Variants in REV3L observed in about 807,000 individuals in gnomAD.
REV3L encodes DNA polymerase zeta catalytic subunit.
In REV3L, 69 loss-of-function variants were observed where a neutral mutation model predicts 299.4. The observed-to-expected ratio is 0.23, with a 90% confidence interval of 0.19 to 0.28. REV3L has a LOEUF of 0.28. Ranked by LOEUF, REV3L falls within the 10% of genes least tolerant of loss-of-function variation. The pLI is 1.00. For synonymous variants in REV3L, 1,238 were observed against 1,271.4 expected (o/e 0.97, Z 0.56); for missense variants, 3,128 against 3,693.8 (o/e 0.85, Z 3.97).
intron 26 of REV3L, among the ~76,000 whole-genome samples, chr6:111,319,478 A>C (rs1773901295): frequency 1.3e-5 from 2 of 152,088 alleles, no homozygotes; most frequent in South Asian, 4.2e-4. Flanking sequence ...GAAAAAAAAA[A>C]AAAAGTTTCT....
chr6:111,300,787 G>A (rs181602426), intron 31 of REV3L, among the ~76,000 whole-genome samples: 3 of 152,160 alleles, frequency 2.0e-5, no homozygotes, highest in Non-Finnish European at 4.4e-5. Flanking sequence ...ATCTCCGTAA[G>A]CTGAGGATGT....
chr6:111,389,242 G>T, intron 6 of REV3L, 32 bp from the exon 7 acceptor site: 1 of 1,475,478 alleles, frequency 6.8e-7, no homozygotes. Flanking sequence ...AATACTACAG[G>T]GTCAAAGTAA....
rs148917965 is a variant in REV3L, at chr6:111,363,844, C to T, written c.6879+9G>A. The T allele has an allele frequency of 3.0e-5, 48 of 1,611,696 alleles. No homozygotes were observed. The highest frequency in any genetic ancestry group is 1.3e-4 in the Admixed American group (8 of 59,792). ...CACAATGTATGTGTCCTTACTGTTG[C>T]AGTTTTACCTCATGTAAAGCTTTTG... On this transcript the variant is annotated intron_variant, in intron 16 of 31. Coordinates refer to ENST00000368802, the MANE Select transcript of REV3L (RefSeq NM_001372078.1).
chr6:111,320,285 C>T (rs1226846334), intron 26 of REV3L, among the ~76,000 whole-genome samples: 3 of 151,758 alleles, frequency 2.0e-5, no homozygotes, highest in Admixed American at 6.6e-5. Flanking sequence ...AGGCTGGTCT[C>T]GAACTCCTGA....
At chr6:111,418,062 C>T (rs1321852474) in intron 1 of REV3L, among the ~76,000 whole-genome samples, 5 of 152,082 alleles carry the variant, frequency 3.3e-5, no homozygotes, top group South Asian at 2.1e-4. Context: ...TACTTGAATG[C>T]TTTTTAAATA....
At chr6:111,472,259 T>C (rs568368962) in intron 1 of REV3L, 2 of 411,064 alleles carry the variant, frequency 4.9e-6, no homozygotes, top group Admixed American at 1.1e-4. Context: ...AGTCTTTCAT[T>C]TCACCATCTC....
At position 111,313,441 on chromosome 6, in the gene REV3L, T is replaced by C; in HGVS notation, c.8515A>G (p.Met2839Val). The stretch of plus-strand genomic sequence containing the variant: ...TCCTTCTGATCCAGTGTTTCATACA[T>C]GTAACCCACATACCTCTTTTTTGTT... Reference protein sequence around the residue: ...LQTKKRYVGYMYETLDQKDPV... With the variant: ...LQTKKRYVGYVYETLDQKDPV... The change falls in exon 28 of 32, where the codon ATG (methionine) becomes GTG (valine). Residue 2839 changes from methionine to valine, a missense_variant. By Grantham distance (21) the Met-to-Val change is conservative. This residue lies in a region of REV3L where 294 missense variants were observed against 377.0 expected (regional missense o/e 0.78). Coordinates refer to ENST00000368802, the MANE Select transcript of REV3L (RefSeq NM_001372078.1). The C allele has an allele frequency of 6.2e-7, 1 of 1,613,498 alleles. No individual in the cohort carries two copies. Among genetic ancestry groups the C allele is most frequent in the Non-Finnish European group, 8.5e-7 (1 of 1,179,736 alleles).
At chr6:111,349,048 C>A in intron 20 of REV3L, 170 bp downstream of exon 20, 2 of 457,148 alleles carry the variant, frequency 4.4e-6, no homozygotes. Context: ...AAGTCTATTA[C>A]CTCTGTAGTT....
chr6:111,369,217 C>A (rs912665794), intron 13 of REV3L, among the ~76,000 whole-genome samples: 6 of 146,842 alleles, frequency 4.1e-5, no homozygotes, highest in Non-Finnish European at 7.5e-5. Flanking sequence ...GGGAGGCGGA[C>A]CTTGCAGTGA....
chr6:111,470,911 T>C (rs1388405055), intron 1 of REV3L, among the ~76,000 whole-genome samples: 1 of 151,710 alleles, frequency 6.6e-6, no homozygotes, highest in Non-Finnish European at 1.5e-5. Context: ...ACTCGGGAGG[T>C]GGAGGTTGCA....
rs199778150 is a variant in REV3L, at chr6:111,367,606, G to T, written c.6182C>A (p.Pro2061His). Residue 2061 changes from proline to histidine, a missense_variant, in exon 14 of 32, where the codon CCC (proline) becomes CAC (histidine). This residue lies in a region of REV3L where 2,409 missense variants were observed against 2,611.8 expected (regional missense o/e 0.92). Coordinates refer to ENST00000368802, the MANE Select transcript of REV3L (RefSeq NM_001372078.1). ...PKMDVSPCIL[P>H]TTAHTKEDVD... ...ATCCTCCTTGGTATGTGCTGTAGTG[G>T]GGAGTATACATGGACTTACATCCAT... 311 of 1,614,024 alleles carry T rather than the reference G, an allele frequency of 1.9e-4. No homozygotes were observed. Among genetic ancestry groups the T allele is most frequent in the Non-Finnish European group, 1.8e-4 (212 of 1,180,026 alleles).
chr6:111,313,246 G>A (rs760867744), intron 28 of REV3L, 106 bp downstream of exon 28: 9 of 919,728 alleles, frequency 9.8e-6, no homozygotes, highest in Non-Finnish European at 1.4e-5. Context: ...TAATTATATA[G>A]GCTATAGTTC....
At chr6:111,445,733 A>C (rs997362076) in intron 1 of REV3L, among the ~76,000 whole-genome samples, 8 of 152,338 alleles carry the variant, frequency 5.3e-5, no homozygotes, top group African/African-American at 1.9e-4. Flanking sequence ...AACTAATTGG[A>C]ATGGATGTGG....
chr6:111,320,132 A>C (rs1030129083), intron 26 of REV3L, among the ~76,000 whole-genome samples: 1 of 147,806 alleles, frequency 6.8e-6, no homozygotes, highest in Non-Finnish European at 1.5e-5. Context: ...GCAATGGCGC[A>C]ATCTTGGCTC....
In REV3L at chr6:111,365,255, G is replaced by A; in HGVS notation, c.6753+10C>T. The A allele has an allele frequency of 1.4e-6, 2 of 1,419,334 alleles. No individual in the cohort carries two copies. Among genetic ancestry groups the A allele is most frequent in the Non-Finnish European group, 1.9e-6 (2 of 1,040,806 alleles). 87.9% of individuals were successfully genotyped at this position (1,419,334 alleles called of 1,614,324 possible). ...TTCCACTGATCTTTAAAAATGTTTA[G>A]TATAGTTACCTTTGCTTGTGTTAAC... is the stretch of plus-strand genomic sequence containing the variant. On this transcript the variant is annotated intron_variant, in intron 15 of 31. Coordinates refer to ENST00000368802, the MANE Select transcript of REV3L (RefSeq NM_001372078.1).
chr6:111,422,661 TAC>T (rs1382200145), intron 1 of REV3L, among the ~76,000 whole-genome samples: 9,513 of 51,968 alleles, frequency 0.18, 2,523 homozygotes, highest in Non-Finnish European at 0.31. Flanking sequence ...TATATATATA[TAC>T]ATATATATAT....
intron 9 of REV3L, among the ~76,000 whole-genome samples, chr6:111,387,410 A>G (rs757821472): frequency 6.6e-6 from 1 of 152,196 alleles, no homozygotes; most frequent in African/African-American, 2.4e-5. Context: ...ATGTTATATA[A>G]ATTAAACTTC....
At chr6:111,353,952 C>T (rs1195040864) in intron 18 of REV3L, 1 of 152,192 alleles carries the variant, frequency 6.6e-6, no homozygotes, top group African/African-American at 2.4e-5. Context: ...TATTAAGTGG[C>T]TCTAAGGATC....
intron 1 of REV3L, chr6:111,431,818 A>C: frequency 1.7e-6 from 1 of 598,330 alleles, no homozygotes. Context: ...TTATGTACAT[A>C]CTTTTTCATT....
Sources: gnomAD v4.1 joint callset for allele counts (sites outside exome capture counted in the v4.1 genomes callset) on GRCh38, gnomAD v4.1.1 for gene constraint, gnomAD v4.1.1 regional missense constraint, MANE v1.5 for transcripts, NCBI Gene and HGNC (gene_info 2026-07-23, HGNC 2026-07-21) for gene names.